Variants in SLC5A4 observed in about 807,000 individuals in gnomAD.
SLC5A4 encodes solute carrier family 5 member 4.
Under a neutral mutation model 70.3 loss-of-function variants are expected in SLC5A4, and 55 were observed. That is an observed-to-expected ratio of 0.78 (90% CI 0.63 to 0.98). The LOEUF (loss-of-function observed/expected upper bound fraction) is 0.98. Ranked by LOEUF, SLC5A4 falls within the 50% of genes least tolerant of loss-of-function variation. The pLI, the probability that SLC5A4 is intolerant of heterozygous loss-of-function variation, is 0.00. For missense variants in SLC5A4, 735 were observed against 839.2 expected (o/e 0.88, Z 1.53); for synonymous variants, 268 against 305.7 (o/e 0.88, Z 1.29).
chr22:32,234,660 C>G (rs531193210), intron 8 of SLC5A4, among the ~76,000 whole-genome samples: 1 of 152,130 alleles, frequency 6.6e-6, no homozygotes, highest in South Asian at 2.1e-4. Flanking sequence ...GATCATGCCA[C>G]TGCACTCCAG....
chr22:32,270,349 C>G, the SLC5A4 span: 13 of 1,208,386 alleles, frequency 1.1e-5, no homozygotes, highest in Non-Finnish European at 1.6e-5. Context: ...TCTGTCGGTG[C>G]TGCAGAAGAG....
chr22:32,312,357 G>A, the SLC5A4 span, among the ~76,000 whole-genome samples: 3 of 105,066 alleles, frequency 2.9e-5, no homozygotes, highest in East Asian at 2.5e-4. Context: ...CAAATCACAC[G>A]CGCGCGCGCA....
chr22:32,353,513 C>T, the SLC5A4 span, among the ~76,000 whole-genome samples: 1 of 151,542 alleles, frequency 6.6e-6, no homozygotes, highest in Non-Finnish European at 1.5e-5. Context: ...CCTCTAGAGT[C>T]TGGAGTCCGG....
At chr22:32,326,947 T>C in the SLC5A4 span, among the ~76,000 whole-genome samples, 1 of 152,150 alleles carries the variant, frequency 6.6e-6, no homozygotes, top group Admixed American at 6.5e-5. Flanking sequence ...GGCAAGGAAA[T>C]GGACTCACCC....
In SLC5A4 at chr22:32,235,102, G is replaced by A. The variant is rs756555909; in HGVS notation, c.665-9C>T. On this transcript the variant is annotated splice_polypyrimidine_tract_variant and intron_variant, in intron 7 of 14. Transcript: ENST00000266086. ...TCCAACTTCGTTAAATGCTAAAAAG[G>A]CATCAGAGTAAAATGAGATGTCTTA... 2 of 1,590,888 alleles carry A rather than the reference G, an allele frequency of 1.3e-6. No individual in the cohort carries two copies. The highest frequency in any genetic ancestry group is 1.7e-5 in the Admixed American group (1 of 59,796).
chr22:32,309,758 C>A, the SLC5A4 span, among the ~76,000 whole-genome samples: 3 of 152,098 alleles, frequency 2.0e-5, no homozygotes, highest in Non-Finnish European at 1.5e-5. Flanking sequence ...CCCCTGGCAC[C>A]CCACCTCACA....
the SLC5A4 span, among the ~76,000 whole-genome samples, chr22:32,331,768 G>A: frequency 2.8e-4 from 43 of 152,150 alleles, no homozygotes; most frequent in Non-Finnish European, 5.3e-4. Context: ...GCCCACATCC[G>A]AGGCCAGATC....
At position 32,247,613 on chromosome 22, in the gene SLC5A4, G is replaced by A. The variant is rs191808274; in HGVS notation, c.373-98C>T. 128 of 770,058 alleles carry A rather than the reference G, an allele frequency of 1.7e-4. No individual in the cohort carries two copies. The African/African-American group carries it at 1.9e-3, about 11-fold the overall frequency. The allele number at this position is 770,058 out of a possible 1,614,324, so 47.7% of individuals were successfully genotyped here. On this transcript the variant is annotated intron_variant, in intron 4 of 14. Transcript: ENST00000266086. ...CTAAGCACCTGTGAGTGAAAGTCCT[G>A]TGTGTGGCCCCTTCCTGGTGATGGA...
chr22:32,276,574 C>G, the SLC5A4 span: 2 of 152,142 alleles, frequency 1.3e-5, no homozygotes, highest in Non-Finnish European at 2.9e-5. Context: ...TTCATTAAAT[C>G]AAGGGTGCAT....
the SLC5A4 span, chr22:32,273,544 G>C: frequency 6.4e-6 from 1 of 155,250 alleles, no homozygotes; most frequent in African/African-American, 2.4e-5. Flanking sequence ...AAATGCTCTA[G>C]TATAGTATAG....
the SLC5A4 span, among the ~76,000 whole-genome samples, chr22:32,351,811 T>G: frequency 6.7e-6 from 1 of 148,998 alleles, no homozygotes; most frequent in Non-Finnish European, 1.5e-5. Context: ...AGTTTTGGAC[T>G]GTTGTTTGTT....
At position 32,218,585 on chromosome 22, in the gene SLC5A4, T is replaced by G. The variant is rs770822032; in HGVS notation, c.1909A>C (p.Arg637=). The change falls in exon 15 of 15, where the codon AGG becomes CGG. Residue 637 remains arginine (R), a synonymous_variant. Coordinates refer to ENST00000266086, the MANE Select transcript of SLC5A4 (RefSeq NM_014227.3). ...ATGGCGTTGATGTTCACTATTGTCCTCCACGAGGGCCTCTCAGACGTGTCT... is the reference window on the plus strand; with the variant it reads ...ATGGCGTTGATGTTCACTATTGTCCGCCACGAGGGCCTCTCAGACGTGTCT... ...LTDTSERPSW[R]TIVNINAILL... 1.2e-6 allele frequency: 2 copies of G among 1,614,054 alleles called. No individual in the cohort carries two copies. Among genetic ancestry groups the G allele is most frequent in the Non-Finnish European group, 1.7e-6 (2 of 1,180,018 alleles).
chr22:32,349,350 G>C, the SLC5A4 span, among the ~76,000 whole-genome samples: 1 of 152,192 alleles, frequency 6.6e-6, no homozygotes, highest in African/African-American at 2.4e-5. Flanking sequence ...CGTACCAGGT[G>C]CAGAGTCTAG....
the SLC5A4 span, among the ~76,000 whole-genome samples, chr22:32,309,476 G>C: frequency 1.3e-5 from 2 of 151,664 alleles, no homozygotes; most frequent in East Asian, 3.9e-4. Flanking sequence ...CTAAAAACCG[G>C]TAACTCTAGA....
the SLC5A4 span, among the ~76,000 whole-genome samples, chr22:32,305,613 G>GT: frequency 6.8e-6 from 1 of 148,022 alleles, no homozygotes; most frequent in Admixed American, 7.1e-5. Context: ...TCTCCACTGT[G>GT]CAGCCTGTCC....
At chr22:32,218,904 G>C (rs1020713782) in intron 14 of SLC5A4, among the ~76,000 whole-genome samples, 179 bp from the exon 15 acceptor site, 1 of 152,156 alleles carries the variant, frequency 6.6e-6, no homozygotes, top group African/African-American at 2.4e-5. Flanking sequence ...CTTTTGCATG[G>C]CACGAAGTTC....
the SLC5A4 span, among the ~76,000 whole-genome samples, chr22:32,325,415 G>A: frequency 1.3e-5 from 2 of 152,200 alleles, no homozygotes; most frequent in Non-Finnish European, 1.5e-5. Flanking sequence ...CTGGGCCCTG[G>A]ACAAGGTTTG....
upstream of SLC5A4, chr22:32,255,411 G>A (rs1204165831): frequency 1.3e-6 from 2 of 1,489,190 alleles, no homozygotes; most frequent in Non-Finnish European, 1.9e-6. Flanking sequence ...TCAGGCAGGT[G>A]GGGCGAGATA....
the SLC5A4 span, among the ~76,000 whole-genome samples, chr22:32,309,162 C>CT: frequency 7.3e-6 from 1 of 136,196 alleles, no homozygotes; most frequent in Non-Finnish European, 1.7e-5. Context: ...AACATGAGGG[C>CT]AGCGAGCCAG....
Sources: allele counts gnomAD v4.1 joint callset (sites outside exome capture counted in the v4.1 genomes callset), GRCh38; gene constraint gnomAD v4.1.1; transcripts MANE v1.5; gene names NCBI Gene and HGNC (gene_info 2026-07-23, HGNC 2026-07-21).